PBX3: variants seen among roughly 807,000 people sequenced by gnomAD.
The protein encoded by PBX3 is PBX homeobox 3.
A neutral mutation model predicts 48.5 loss-of-function variants in PBX3; 14 were observed. That is an observed-to-expected ratio of 0.29 (90% CI 0.19 to 0.45). The LOEUF (loss-of-function observed/expected upper bound fraction) is 0.45, where lower values mean the gene tolerates loss of function less well. PBX3 is among the 20% of genes least tolerant of loss of function. The probability of loss-of-function intolerance (pLI) is 1.00; values close to 1 mark genes in which losing one functional copy is unlikely to be tolerated. For synonymous variants in PBX3, 210 were observed against 200.3 expected (o/e 1.05, Z -0.41); for missense variants, 386 against 546.7 (o/e 0.71, Z 2.93).
intron 2 of PBX3, among the ~76,000 whole-genome samples, chr9:125,753,178 T>G (rs1015205869): frequency 2.6e-5 from 4 of 152,178 alleles, no homozygotes; most frequent in Non-Finnish European, 5.9e-5. Context: ...CTGCTTATAT[T>G]GGAAATATTA....
chr9:125,812,277 T>TG (rs926555398), intron 2 of PBX3, among the ~76,000 whole-genome samples: 5 of 152,192 alleles, frequency 3.3e-5, no homozygotes, highest in Non-Finnish European at 7.3e-5. Flanking sequence ...ATGAATGGGT[T>TG]GGGGGGCACA....
rs932244225 is a variant in PBX3, at chr9:125,967,101, AAAAG to A, written c.*1179_*1182del. 2.0e-5 allele frequency: 3 copies of A among 152,554 alleles called. No individual in the cohort carries two copies. The highest frequency in any genetic ancestry group is 4.8e-5 in the African/African-American group (2 of 41,430). 9.5% of individuals were successfully genotyped at this position (152,554 alleles called of 1,614,324 possible). A position where few individuals can be genotyped will look rare whatever the true frequency, so the allele number is the denominator to read the frequency against. Reference sequence around the variant, plus strand: ...TACTAATCCATGCAAAAAAAAAAAAAAAAGCAGCGACTAATTGTGATGCATTCAG... The same window carrying A: ...TACTAATCCATGCAAAAAAAAAAAAACAGCGACTAATTGTGATGCATTCAG... On this transcript the variant is annotated 3_prime_UTR_variant, in exon 9 of 9. Coordinates refer to ENST00000373489, the MANE Select transcript of PBX3 (RefSeq NM_006195.6).
chr9:125,874,806 AC>A (rs760645231), intron 2 of PBX3, among the ~76,000 whole-genome samples: 3 of 152,200 alleles, frequency 2.0e-5, no homozygotes, highest in Non-Finnish European at 4.4e-5. Flanking sequence ...AGATTGGCAT[AC>A]CCTATAAACT....
At chr9:125,789,224 C>T (rs1430986317) in intron 2 of PBX3, among the ~76,000 whole-genome samples, 1 of 152,156 alleles carries the variant, frequency 6.6e-6, no homozygotes, top group Non-Finnish European at 1.5e-5. Flanking sequence ...TTTCAGTTGT[C>T]AATTGCTGCA....
chr9:125,857,892 A>T (rs1326248274), intron 2 of PBX3, among the ~76,000 whole-genome samples: 4 of 152,244 alleles, frequency 2.6e-5, no homozygotes. Flanking sequence ...TCTTTAGCAA[A>T]CAAGTAGGCA....
chr9:125,863,472 A>G (rs1405578849), intron 2 of PBX3, among the ~76,000 whole-genome samples: 1 of 152,186 alleles, frequency 6.6e-6, no homozygotes. Context: ...GGCCTCCCAA[A>G]GTGCTGGGAT....
At chr9:125,748,354 C>G (rs1258695805) in intron 1 of PBX3, 196 bp from the exon 2 acceptor site, 2 of 1,304,788 alleles carry the variant, frequency 1.5e-6, no homozygotes, top group Non-Finnish European at 2.0e-6. Flanking sequence ...CGCCTTGTTC[C>G]GGCTGCAGCT....
Position 125,929,815 on chromosome 9 carries a change from T to C in PBX3, c.677T>C (p.Met226Thr). The stretch of plus-strand genomic sequence containing the variant: ...AAACAAAGCACTTGTGAAGCAGTTA[T>C]GATTTTAAGATCAAGGTTCCTTGAT... ...QLKQSTCEAV[M>T]ILRSRFLDAR... The change falls in exon 4 of 9, where the codon ATG becomes ACG. Residue 226 changes from methionine (M) to threonine (T), a missense_variant. By Grantham distance (81) the Met-to-Thr change is moderately conservative. Transcript: ENST00000373489. 1 of 1,614,042 alleles carries C rather than the reference T, an allele frequency of 6.2e-7. No individual in the cohort carries two copies. The highest frequency in any genetic ancestry group is 8.5e-7 in the Non-Finnish European group (1 of 1,179,964).
chr9:125,931,151 A>G (rs904255323), intron 4 of PBX3, among the ~76,000 whole-genome samples: 1 of 152,196 alleles, frequency 6.6e-6, no homozygotes, highest in Non-Finnish European at 1.5e-5. Context: ...TTTTTAAAAG[A>G]AATATTTCTG....
In PBX3 at chr9:125,965,852, G is replaced by T. The variant is rs774888450; in HGVS notation, c.1234G>T (p.Ala412Ser). ...TCAGGCTAATGGAGGCTGGCAGGACGCAACAACTCCATCTTCTGTGACTTC... is the reference window on the plus strand; with the variant it reads ...TCAGGCTAATGGAGGCTGGCAGGACTCAACAACTCCATCTTCTGTGACTTC... Reference protein sequence around the residue: ...NLNANGGWQDATTPSSVTSPT... With the variant: ...NLNANGGWQDSTTPSSVTSPT... Residue 412 changes from alanine to serine, a missense_variant, in exon 9 of 9, where the codon GCA (alanine) becomes TCA (serine). Physicochemically the swap from Ala to Ser is moderately conservative, Grantham distance 99. This residue lies in a region of PBX3 where 127 missense variants were observed against 143.3 expected (regional missense o/e 0.89). Transcript: ENST00000373489. The T allele has an allele frequency of 2.5e-6, 4 of 1,613,828 alleles. No individual in the cohort carries two copies. In the African/African-American group the frequency reaches 4.0e-5, roughly 16 times the overall value.
At chr9:125,948,705 C>CAT (rs1554732467) in intron 5 of PBX3, among the ~76,000 whole-genome samples, 1 of 148,524 alleles carries the variant, frequency 6.7e-6, no homozygotes. Flanking sequence ...CAGGTATATA[C>CAT]GTGTGTGTGT....
At chr9:125,899,454 T>TATATAG (rs1377456112) in intron 2 of PBX3, among the ~76,000 whole-genome samples, 16 of 103,756 alleles carry the variant, frequency 1.5e-4, no homozygotes, top group African/African-American at 6.1e-4. Context: ...TATATATATA[T>TATATAG]AGAGAGAGAG....
At chr9:125,761,328 T>C (rs974149103) in intron 2 of PBX3, among the ~76,000 whole-genome samples, 1 of 152,264 alleles carries the variant, frequency 6.6e-6, no homozygotes, top group East Asian at 1.9e-4. Flanking sequence ...TTTGAAAATA[T>C]TGTATTTTGA....
chr9:125,773,097 A>C (rs1446086332), intron 2 of PBX3, among the ~76,000 whole-genome samples: 2 of 152,164 alleles, frequency 1.3e-5, no homozygotes, highest in African/African-American at 4.8e-5. Flanking sequence ...GGGTTCAAAC[A>C]AGGGATTGAT....
At chr9:125,963,390 GTAGAAAACAGGT>G (rs1211980179) in intron 8 of PBX3, among the ~76,000 whole-genome samples, 1 of 152,134 alleles carries the variant, frequency 6.6e-6, no homozygotes, top group African/African-American at 2.4e-5. Context: ...CAGGGAGACG[GTAGAAAACAGGT>G]CATTTATCTT....
intron 2 of PBX3, among the ~76,000 whole-genome samples, chr9:125,900,252 T>A (rs1840911761): frequency 9.8e-6 from 1 of 102,124 alleles, no homozygotes; most frequent in Non-Finnish European, 2.0e-5. Flanking sequence ...TTTTTTTTTT[T>A]AACACTTTAC....
In PBX3 at chr9:125,929,558, A is replaced by G. The variant is rs932065043; in HGVS notation, c.517-97A>G. On this transcript the variant is annotated intron_variant, in intron 3 of 8. Coordinates refer to ENST00000373489, the MANE Select transcript of PBX3 (RefSeq NM_006195.6). ...TTTACCCTACACACTGTATAATGCTATTGGTGAATGCAAATGAGGTGTAAA... is the reference window on the plus strand; with the variant it reads ...TTTACCCTACACACTGTATAATGCTGTTGGTGAATGCAAATGAGGTGTAAA... The G allele has an allele frequency of 2.8e-5, 22 of 797,836 alleles. No individual in the cohort carries two copies. The African/African-American group carries it at 3.6e-4, about 13-fold the overall frequency. 49.4% of individuals were successfully genotyped at this position (797,836 alleles called of 1,614,324 possible).
chr9:125,949,284 G>A (rs1842136828), intron 5 of PBX3: 3 of 1,477,662 alleles, frequency 2.0e-6, no homozygotes, highest in Admixed American at 2.1e-5. Context: ...AATCATGTAT[G>A]AAGAGTGCCT....
chr9:125,884,629 A>G (rs992419520), intron 2 of PBX3, among the ~76,000 whole-genome samples: 10 of 152,244 alleles, frequency 6.6e-5, no homozygotes, highest in African/African-American at 2.4e-4. Context: ...TTCATTGACT[A>G]CATTCTCCAA....
Sources: gnomAD v4.1 joint callset for allele counts (sites outside exome capture counted in the v4.1 genomes callset) on GRCh38, gnomAD v4.1.1 for gene constraint, gnomAD v4.1.1 regional missense constraint, MANE v1.5 for transcripts, NCBI Gene and HGNC (gene_info 2026-07-23, HGNC 2026-07-21) for gene names.